Variants in ANKRD30B observed in about 807,000 individuals in gnomAD.
The protein encoded by ANKRD30B is ankyrin repeat domain-containing protein 30B.
A neutral mutation model predicts 202.2 loss-of-function variants in ANKRD30B; 144 were observed. That is an observed-to-expected ratio of 0.71 (90% CI 0.62 to 0.82). The LOEUF (loss-of-function observed/expected upper bound fraction) is 0.82, where lower values mean the gene tolerates loss of function less well. ANKRD30B is among the 40% of genes least tolerant of loss of function. The pLI is 0.00. For synonymous variants in ANKRD30B, 508 were observed against 561.3 expected (o/e 0.91, Z 1.34); for missense variants, 1,487 against 1,669.1 (o/e 0.89, Z 1.90).
chr18:14,836,891 T>C (rs1568062925), intron 34 of ANKRD30B, among the ~76,000 whole-genome samples: 3 of 152,068 alleles, frequency 2.0e-5, no homozygotes. Flanking sequence ...TTCTAAGCTT[T>C]TCAGGTAAAA....
chr18:14,870,024 T>A, the ANKRD30B span, among the ~76,000 whole-genome samples: 55 of 152,110 alleles, frequency 3.6e-4, 1 homozygote, highest in Non-Finnish European at 8.8e-5. Flanking sequence ...TTAGTAGAGA[T>A]GAGGTTTCAC....
chr18:14,788,926 G>C (rs1442516424), intron 15 of ANKRD30B, among the ~76,000 whole-genome samples: 1 of 152,114 alleles, frequency 6.6e-6, no homozygotes, highest in Non-Finnish European at 1.5e-5. Flanking sequence ...GGGATGACTG[G>C]GTCAAATGCT....
the ANKRD30B span, among the ~76,000 whole-genome samples, chr18:14,925,416 G>A: frequency 2.0e-5 from 3 of 152,238 alleles, no homozygotes; most frequent in Non-Finnish European, 4.4e-5. Context: ...GTCCGGAAAT[G>A]TCCAGCTCCT....
chr18:14,831,544 A>T lies in ANKRD30B; in HGVS notation c.2847+89A>T. On this transcript the variant is annotated intron_variant, in intron 34 of 43. Transcript: ENST00000690538. ...TTTCATGTTTAGCAGTGGTGTATGT[A>T]TCATAATTTCATGTTGGTAATATAA... The T allele has an allele frequency of 6.8e-6, 4 of 584,928 alleles. No homozygotes were observed. The Middle Eastern group carries it at 1.2e-3, about 180-fold the overall frequency. 36.2% of individuals were successfully genotyped at this position (584,928 alleles called of 1,614,324 possible). A position where few individuals can be genotyped will look rare whatever the true frequency, so the allele number is the denominator to read the frequency against.
In ANKRD30B at chr18:14,769,326, CT is replaced by C. The variant is rs537913324; in HGVS notation, c.1226-10del. On this transcript the variant is annotated splice_polypyrimidine_tract_variant and intron_variant, in intron 7 of 43. Coordinates refer to ENST00000690538, the MANE Select transcript of ANKRD30B (RefSeq NM_001367607.2). Reference sequence around the variant, plus strand: ...ATATTTGTTAATTTAATGTATTTTACTTTTTTTCTTTAATAGTGGATGTGAG... The same window carrying C: ...ATATTTGTTAATTTAATGTATTTTACTTTTTTCTTTAATAGTGGATGTGAG... 8.6e-5 allele frequency: 131 copies of C among 1,525,112 alleles called. 2 individuals carry two copies. In the South Asian group the frequency reaches 1.5e-3, roughly 17 times the overall value. The allele number at this position is 1,525,112 out of a possible 1,614,324, so 94.5% of individuals were successfully genotyped here.
chr18:14,816,095 T>C (rs1254094730), intron 30 of ANKRD30B: 1 of 152,214 alleles, frequency 6.6e-6, no homozygotes, highest in East Asian at 1.9e-4. Context: ...ATTTGTAATG[T>C]AATGATATAA....
chr18:14,934,843 G>C, the ANKRD30B span, among the ~76,000 whole-genome samples: 9 of 152,038 alleles, frequency 5.9e-5, no homozygotes, highest in Middle Eastern at 3.4e-3. Context: ...GCAGGCATGC[G>C]GCTGCAGGGG....
At position 14,808,670 on chromosome 18, in the gene ANKRD30B, A is replaced by C; in HGVS notation, c.2314-2A>C. On this transcript the variant is annotated splice_acceptor_variant, in intron 25 of 43. Coordinates refer to ENST00000690538, the MANE Select transcript of ANKRD30B (RefSeq NM_001367607.2). LOFTEE classifies it high-confidence loss of function. ...AATTTTTGTGTTTCCAAACCCATTTAGCCTACCTGTGGAAGGAAAGTTTCT... is the reference window on the plus strand; with the variant it reads ...AATTTTTGTGTTTCCAAACCCATTTCGCCTACCTGTGGAAGGAAAGTTTCT... 1 of 1,539,272 alleles carries C rather than the reference A, an allele frequency of 6.5e-7. No individual in the cohort carries two copies. Among genetic ancestry groups the C allele is most frequent in the Non-Finnish European group, 8.8e-7 (1 of 1,140,080 alleles).
At chr18:14,928,003 T>C in the ANKRD30B span, among the ~76,000 whole-genome samples, 3 of 152,100 alleles carry the variant, frequency 2.0e-5, no homozygotes, top group Non-Finnish European at 4.4e-5. Flanking sequence ...GTCTCACTCT[T>C]GTTGCCCAGG....
At chr18:14,864,538 T>A in the ANKRD30B span, among the ~76,000 whole-genome samples, 1 of 152,066 alleles carries the variant, frequency 6.6e-6, no homozygotes, top group South Asian at 2.1e-4. Context: ...TTTTCCCCAC[T>A]GTCTTTTTGC....
the ANKRD30B span, among the ~76,000 whole-genome samples, chr18:14,938,220 A>G: frequency 5.9e-5 from 9 of 152,328 alleles, no homozygotes; most frequent in African/African-American, 1.7e-4. Context: ...ACCTCAGCTG[A>G]TTGAGACTCT....
intron 33 of ANKRD30B, among the ~76,000 whole-genome samples, chr18:14,829,451 A>G (rs1354242560): frequency 1.3e-5 from 2 of 152,194 alleles, no homozygotes. Context: ...GGAAAAGAAT[A>G]ATGGAATTAG....
chr18:14,791,622 G>T, intron 16 of ANKRD30B, 131 bp downstream of exon 16: 8 of 694,092 alleles, frequency 1.2e-5, no homozygotes, highest in South Asian at 1.1e-4. Context: ...GAAGTGAAAC[G>T]GTGATAAGTT....
the ANKRD30B span, among the ~76,000 whole-genome samples, chr18:14,889,401 A>T: frequency 2.0e-5 from 3 of 152,166 alleles, no homozygotes; most frequent in African/African-American, 7.2e-5. Context: ...TGTTCATTCA[A>T]TTAAACCTGT....
chr18:14,937,702 A>G, the ANKRD30B span, among the ~76,000 whole-genome samples: 3 of 152,164 alleles, frequency 2.0e-5, no homozygotes, highest in Non-Finnish European at 4.4e-5. Context: ...GTCCTCAATA[A>G]ATCTGTGCTT....
rs138171342 is a variant in ANKRD30B at position 14,791,546 on chromosome 18, A to G, written c.1825+55A>G. On this transcript the variant is annotated intron_variant, in intron 16 of 43. Coordinates refer to ENST00000690538, the MANE Select transcript of ANKRD30B (RefSeq NM_001367607.2). ...TTTGACCAAATATTTATCTAAACTGATGAGGAAGGATATCCTCTAATAGAT... is the reference window on the plus strand; with the variant it reads ...TTTGACCAAATATTTATCTAAACTGGTGAGGAAGGATATCCTCTAATAGAT... 2.2e-6 allele frequency: 3 copies of G among 1,368,450 alleles called. No individual in the cohort carries two copies. In the South Asian group the frequency reaches 3.7e-5, roughly 17 times the overall value. The allele number at this position is 1,368,450 out of a possible 1,614,324, so 84.8% of individuals were successfully genotyped here.
chr18:14,831,961 T>C (rs187458469), intron 34 of ANKRD30B, among the ~76,000 whole-genome samples: 302 of 152,310 alleles, frequency 2.0e-3, no homozygotes, highest in African/African-American at 7.0e-3. Context: ...ACATAGCATA[T>C]AGGTTTTTTT....
chr18:14,825,364 G>A (rs1298890842), intron 32 of ANKRD30B: 1 of 152,226 alleles, frequency 6.6e-6, no homozygotes, highest in East Asian at 1.9e-4. Context: ...AGCCTGCAAA[G>A]TTCACATTTA....
At chr18:14,771,729 G>A (rs1326207868) in intron 8 of ANKRD30B, among the ~76,000 whole-genome samples, 2 of 152,144 alleles carry the variant, frequency 1.3e-5, no homozygotes, top group African/African-American at 4.8e-5. Context: ...TAAGGGACAA[G>A]GTAACTGTAT....
Sources: allele counts gnomAD v4.1 joint callset (sites outside exome capture counted in the v4.1 genomes callset), GRCh38; gene constraint gnomAD v4.1.1; transcripts MANE v1.5; gene names NCBI Gene and HGNC (gene_info 2026-07-23, HGNC 2026-07-21).